The following UBR1 variants were observed in gnomAD, a reference collection of about 807,000 sequenced individuals.
The protein encoded by UBR1 is ubiquitin protein ligase E3 component n-recognin 1, also known as E3 ubiquitin-protein ligase UBR1.
A neutral mutation model predicts 242.1 loss-of-function variants in UBR1; 102 were observed. The observed-to-expected ratio is 0.42, with a 90% CI of 0.36 to 0.50. The LOEUF is 0.50. UBR1 is among the 20% of genes least tolerant of loss of function. The probability of loss-of-function intolerance (pLI) is 0.01; values close to 1 mark genes in which losing one functional copy is unlikely to be tolerated. For missense variants in UBR1, 1,772 were observed against 2,101.8 expected (o/e 0.84, Z 3.07); for synonymous variants, 675 against 684.8 (o/e 0.99, Z 0.22).
chr15:43,025,306 A>G (rs2033165238), intron 24 of UBR1, 75 bp downstream of exon 24: 1 of 1,463,688 alleles, frequency 6.8e-7, no homozygotes, highest in South Asian at 1.2e-5. Flanking sequence ...AACAACAACA[A>G]AAAACTATAT....
chr15:43,063,849 G>T (rs930420249), intron 6 of UBR1, among the ~76,000 whole-genome samples: 1 of 152,032 alleles, frequency 6.6e-6, no homozygotes, highest in African/African-American at 2.4e-5. Flanking sequence ...TGATTCTCCT[G>T]CCTCAGCCTC....
At chr15:42,977,682 C>CTT (rs201655415) in intron 38 of UBR1, among the ~76,000 whole-genome samples, 198 bp downstream of exon 38, 7 of 124,198 alleles carry the variant, frequency 5.6e-5, no homozygotes, top group South Asian at 2.6e-4. Context: ...AATTGAAGTG[C>CTT]TTTTTTTTTT....
At chr15:43,002,875 GCC>G (rs1307402095) in intron 31 of UBR1, among the ~76,000 whole-genome samples, 171 bp from the exon 32 acceptor site, 1 of 152,166 alleles carries the variant, frequency 6.6e-6, no homozygotes, top group Non-Finnish European at 1.5e-5. Context: ...GAAACAGGTT[GCC>G]CATTATTTTG....
At chr15:43,042,600 C>T (rs7164248) in intron 15 of UBR1, among the ~76,000 whole-genome samples, 2,982 of 151,988 alleles carry the variant, frequency 0.02, 92 homozygotes, top group African/African-American at 0.067. Flanking sequence ...AAGTTTCATG[C>T]TTAGAAGATA....
chr15:42,958,643 C>G (rs1484691189), intron 43 of UBR1, among the ~76,000 whole-genome samples: 1 of 152,086 alleles, frequency 6.6e-6, no homozygotes, highest in Non-Finnish European at 1.5e-5. Context: ...ACATATAGAG[C>G]GGTTGAGGAC....
intron 28 of UBR1, 59 bp from the exon 29 acceptor site, chr15:43,015,928 T>C (rs2033017543): frequency 3.3e-6 from 5 of 1,512,186 alleles, no homozygotes; most frequent in South Asian, 1.1e-5. Context: ...TTATATACGC[T>C]GTTTGGATGG....
chr15:43,066,896 G>C (rs916995722), intron 6 of UBR1, among the ~76,000 whole-genome samples: 3 of 152,102 alleles, frequency 2.0e-5, no homozygotes, highest in African/African-American at 7.2e-5. Context: ...AGTGCTAGAA[G>C]TACAGGCATG....
chr15:43,003,998 C>T, intron 30 of UBR1, 68 bp from the exon 31 acceptor site: 1 of 1,388,396 alleles, frequency 7.2e-7, no homozygotes, highest in Non-Finnish European at 1.0e-6. Flanking sequence ...TAATCACAAA[C>T]TGTCTTAGGA....
intron 22 of UBR1, among the ~76,000 whole-genome samples, chr15:43,027,114 G>A (rs1255817508): frequency 2.0e-5 from 3 of 151,876 alleles, no homozygotes; most frequent in Non-Finnish European, 4.4e-5. Context: ...CCTTTATATA[G>A]TACTATAAGG....
At position 42,942,919 on chromosome 15, in the gene UBR1, T is replaced by C. The variant is rs1318021989; in HGVS notation, c.*2410A>G. On this transcript the variant is annotated 3_prime_UTR_variant, in exon 47 of 47. Transcript: ENST00000290650. ...CTATTTTTCTTTTTAAATATACACA[T>C]ATATTTTATTTTAAAAAGCACAAGA... 6.6e-6 allele frequency: 1 copy of C among 152,634 alleles called. No homozygotes were observed. Among genetic ancestry groups the C allele is most frequent in the Non-Finnish European group, 1.5e-5 (1 of 68,036 alleles). The allele number at this position is 152,634 out of a possible 1,614,324, so 9.5% of individuals were successfully genotyped here. A position where few individuals can be genotyped will look rare whatever the true frequency, so the allele number is the denominator to read the frequency against.
At chr15:43,011,876 A>T (rs963760301) in intron 29 of UBR1, 1 of 445,622 alleles carries the variant, frequency 2.2e-6, no homozygotes, top group African/African-American at 2.0e-5. Flanking sequence ...AGATGAATAA[A>T]CTATTATATA....
At chr15:43,038,019 G>A in intron 16 of UBR1, 136 bp from the exon 17 acceptor site, 1 of 1,197,278 alleles carries the variant, frequency 8.4e-7, no homozygotes, top group South Asian at 1.3e-5. Flanking sequence ...AAGTCCCTGT[G>A]ACTCAGATTA....
intron 40 of UBR1, among the ~76,000 whole-genome samples, chr15:42,967,979 A>G (rs2032138764): frequency 6.6e-6 from 1 of 151,308 alleles, no homozygotes; most frequent in Non-Finnish European, 1.5e-5. Context: ...CTGTTATACA[A>G]TATATGTACA....
intron 17 of UBR1, 119 bp from the exon 18 acceptor site, chr15:43,036,712 C>T (rs1052444662): frequency 1.5e-6 from 1 of 673,850 alleles, no homozygotes. Flanking sequence ...TCCTTAGTGG[C>T]AAAAATAAGT....
At chr15:43,079,202 C>T (rs752753125) in intron 3 of UBR1, among the ~76,000 whole-genome samples, 3 of 152,148 alleles carry the variant, frequency 2.0e-5, no homozygotes, top group Non-Finnish European at 1.5e-5. Context: ...CACAGTGGCT[C>T]ATGCCTGTAA....
At chr15:42,948,108 C>T (rs1442384578) in intron 46 of UBR1, among the ~76,000 whole-genome samples, 1 of 152,138 alleles carries the variant, frequency 6.6e-6, no homozygotes, top group Non-Finnish European at 1.5e-5. Context: ...TGGAACAGAA[C>T]AGAGCCCTCA....
At chr15:43,059,648 C>T in intron 8 of UBR1, 54 bp downstream of exon 8, 1 of 1,590,732 alleles carries the variant, frequency 6.3e-7, no homozygotes, top group South Asian at 1.1e-5. Flanking sequence ...AAATTTGTGG[C>T]TATAAAACAC....
chr15:43,041,731 C>T (rs973916314), intron 15 of UBR1, among the ~76,000 whole-genome samples: 1 of 152,088 alleles, frequency 6.6e-6, no homozygotes, highest in Non-Finnish European at 1.5e-5. Flanking sequence ...AGACCATCAA[C>T]AGGGTAAAAA....
In UBR1 at chr15:42,984,831, TG is replaced by T. The variant is rs899005236; in HGVS notation, c.4053+55del. 45 of 1,448,976 alleles carry T rather than the reference TG, an allele frequency of 3.1e-5. No individual in the cohort carries two copies. In the East Asian group the frequency reaches 7.3e-4, roughly 23 times the overall value. The allele number at this position is 1,448,976 out of a possible 1,614,324, so 89.8% of individuals were successfully genotyped here. A position where few individuals can be genotyped will look rare whatever the true frequency, so the allele number is the denominator to read the frequency against. On this transcript the variant is annotated intron_variant, in intron 36 of 46. Coordinates refer to ENST00000290650, the MANE Select transcript of UBR1 (RefSeq NM_174916.3). ...ATTTTTTGTTTTTAATAATAAACTG[TG>T]GGGGGGAAAAAAGGCATGCCATGAG...
Sources: gnomAD v4.1 joint callset for allele counts (sites outside exome capture counted in the v4.1 genomes callset) on GRCh38, gnomAD v4.1.1 for gene constraint, MANE v1.5 for transcripts, NCBI Gene and HGNC (gene_info 2026-07-23, HGNC 2026-07-21) for gene names.